The following CELF4 variants were observed in gnomAD, a reference collection of about 807,000 sequenced individuals.
CELF4 encodes CUG-BP- and ETR-3-like factor 4.
CELF4 carries 18 observed loss-of-function variants against 59.9 expected under a neutral mutation model. The ratio of observed to expected loss-of-function variants is 0.30; its 90% CI spans 0.21 to 0.45. The LOEUF (loss-of-function observed/expected upper bound fraction) is 0.45. Among genes scored for constraint, CELF4 ranks in the 20% least tolerant of loss-of-function variants. The pLI is 1.00. For synonymous variants in CELF4, 261 were observed against 267.1 expected, an observed-to-expected ratio of 0.98 and a Z score of 0.22; for missense variants, 456 against 689.0, an observed-to-expected ratio of 0.66 and a Z score of 3.79.
At chr18:37,354,815 A>G (rs2098535954) in intron 2 of CELF4, among the ~76,000 whole-genome samples, 1 of 152,220 alleles carries the variant, frequency 6.6e-6, no homozygotes, top group Non-Finnish European at 1.5e-5. Flanking sequence ...ACCTGTTTGC[A>G]AAAGTTCTAA....
intron 10 of CELF4, among the ~76,000 whole-genome samples, chr18:37,263,254 C>T (rs2075800457): frequency 6.6e-6 from 1 of 152,182 alleles, no homozygotes; most frequent in African/African-American, 2.4e-5. Context: ...AGGGTTTTCT[C>T]TGAAGGCCAG....
intron 2 of CELF4, among the ~76,000 whole-genome samples, chr18:37,480,686 G>A (rs998805135): frequency 6.6e-5 from 10 of 152,278 alleles, no homozygotes; most frequent in Admixed American, 5.9e-4. Context: ...AGAGCCTCCT[G>A]TGGATGTCAG....
At chr18:37,375,526 A>G (rs1193130621) in intron 2 of CELF4, among the ~76,000 whole-genome samples, 3 of 152,160 alleles carry the variant, frequency 2.0e-5, no homozygotes, top group African/African-American at 7.2e-5. Flanking sequence ...TGCTGTCCAA[A>G]GAGCTTGGTC....
chr18:37,497,806 G>T (rs939365582), intron 1 of CELF4, among the ~76,000 whole-genome samples: 2 of 152,114 alleles, frequency 1.3e-5, no homozygotes, highest in Non-Finnish European at 2.9e-5. Flanking sequence ...ATTTTTGGTT[G>T]TATTTTGGGC....
At chr18:37,360,551 A>T (rs780645186) in intron 2 of CELF4, among the ~76,000 whole-genome samples, 2 of 152,196 alleles carry the variant, frequency 1.3e-5, no homozygotes, top group Non-Finnish European at 2.9e-5. Context: ...CCCCAAAATG[A>T]GGACAGATGA....
At chr18:37,392,016 A>C (rs671355) in intron 2 of CELF4, among the ~76,000 whole-genome samples, 75,558 of 151,696 alleles carry the variant, frequency 0.5, 19,623 homozygotes, top group East Asian at 0.69. Context: ...GTAAACCATA[A>C]TGCCTGCAAC....
At chr18:37,352,630 G>A (rs1314177222) in intron 2 of CELF4, among the ~76,000 whole-genome samples, 1 of 152,040 alleles carries the variant, frequency 6.6e-6, no homozygotes, top group African/African-American at 2.4e-5. Flanking sequence ...AGAATTTTAA[G>A]TATCTGCTTT....
At chr18:37,424,968 C>T (rs902841157) in intron 2 of CELF4, among the ~76,000 whole-genome samples, 4 of 152,174 alleles carry the variant, frequency 2.6e-5, no homozygotes, top group Non-Finnish European at 5.9e-5. Context: ...TCCACTCTCG[C>T]CCCACCCGCA....
At chr18:37,458,291 A>AC (rs1427543364) in intron 2 of CELF4, among the ~76,000 whole-genome samples, 1 of 151,874 alleles carries the variant, frequency 6.6e-6, no homozygotes, top group Non-Finnish European at 1.5e-5. Flanking sequence ...CCCTAGCACC[A>AC]CCCCTGAGTT....
chr18:37,364,737 C>G (rs542564632), intron 2 of CELF4, among the ~76,000 whole-genome samples: 2 of 152,314 alleles, frequency 1.3e-5, no homozygotes, highest in East Asian at 3.9e-4. Context: ...GAACCATACT[C>G]AAATGCTCTC....
At chr18:37,319,411 G>A (rs1244854113) in intron 3 of CELF4, among the ~76,000 whole-genome samples, 1 of 152,196 alleles carries the variant, frequency 6.6e-6, no homozygotes, top group Non-Finnish European at 1.5e-5. Flanking sequence ...GAGGAGGTGC[G>A]TCTATGCCCT....
chr18:37,328,808 G>A (rs1466522340), intron 2 of CELF4, among the ~76,000 whole-genome samples: 1 of 152,176 alleles, frequency 6.6e-6, no homozygotes, highest in Non-Finnish European at 1.5e-5. Flanking sequence ...CAGTGAATCA[G>A]CAGACCCGCA....
At chr18:37,476,896 G>T (rs112306599) in intron 2 of CELF4, among the ~76,000 whole-genome samples, 1 of 152,216 alleles carries the variant, frequency 6.6e-6, no homozygotes, top group Non-Finnish European at 1.5e-5. Context: ...CACCGGCGGC[G>T]AATGCCTGGG....
chr18:37,355,457 G>A (rs915151545), intron 2 of CELF4, among the ~76,000 whole-genome samples: 1 of 152,144 alleles, frequency 6.6e-6, no homozygotes, highest in African/African-American at 2.4e-5. Context: ...TGGATCACTT[G>A]AGGTCAGGAG....
chr18:37,260,405 G>A (rs2073570180), intron 10 of CELF4, among the ~76,000 whole-genome samples: 1 of 152,202 alleles, frequency 6.6e-6, no homozygotes, highest in South Asian at 2.1e-4. Flanking sequence ...ATCTTTTAAA[G>A]TGACTTGTGG....
intron 2 of CELF4, among the ~76,000 whole-genome samples, chr18:37,338,010 GCCA>G (rs1325603602): frequency 2.0e-5 from 3 of 147,388 alleles, no homozygotes; most frequent in Non-Finnish European, 1.5e-5. Context: ...TACTGTCACT[GCCA>G]CCACCACCAC....
chr18:37,392,161 G>A (rs1569568579), intron 2 of CELF4, among the ~76,000 whole-genome samples: 1 of 152,340 alleles, frequency 6.6e-6, no homozygotes, highest in South Asian at 2.1e-4. Flanking sequence ...GAGAAAGAAA[G>A]GTTTTCCCCC....
intron 2 of CELF4, among the ~76,000 whole-genome samples, chr18:37,422,739 A>C (rs980832040): frequency 6.6e-5 from 10 of 152,294 alleles, no homozygotes; most frequent in African/African-American, 2.4e-4. Flanking sequence ...GCCCTGTTAC[A>C]TTCGTGGCCA....
chr18:37,458,018 GT>G (rs2099783311), intron 2 of CELF4, among the ~76,000 whole-genome samples: 1 of 152,152 alleles, frequency 6.6e-6, no homozygotes, highest in Admixed American at 6.5e-5. Context: ...TGGGTGGGTG[GT>G]GATTTCGTTC....
Sources: gnomAD v4.1 joint callset for allele counts (sites outside exome capture counted in the v4.1 genomes callset) on GRCh38, gnomAD v4.1.1 for gene constraint, MANE v1.5 for transcripts, NCBI Gene and HGNC (gene_info 2026-07-23, HGNC 2026-07-21) for gene names.